The following PHGDH variants were observed in gnomAD, a reference collection of about 807,000 sequenced individuals.
PHGDH encodes phosphoglycerate dehydrogenase.
Under a neutral mutation model 52.6 loss-of-function variants are expected in PHGDH, and 50 were observed. That is an observed-to-expected ratio of 0.95 (90% confidence interval 0.76 to 1.20). The LOEUF is 1.20. Among genes scored for constraint, PHGDH ranks in the 50% most tolerant of loss-of-function variants. The pLI is 0.00. For missense variants in PHGDH, 630 were observed against 684.6 expected, an observed-to-expected ratio of 0.92 and a Z score of 0.89; for synonymous variants, 271 against 280.5, an observed-to-expected ratio of 0.97 and a Z score of 0.34.
chr1:119,734,150 G>C (rs2101194113), intron 5 of PHGDH, among the ~76,000 whole-genome samples: 1 of 152,288 alleles, frequency 6.6e-6, no homozygotes, highest in East Asian at 1.9e-4. Flanking sequence ...TCCAGCTGCA[G>C]CTGCCATTTC....
At chr1:119,741,003 G>T (rs1311382766) in intron 9 of PHGDH, among the ~76,000 whole-genome samples, 2 of 152,122 alleles carry the variant, frequency 1.3e-5, no homozygotes, top group Non-Finnish European at 2.9e-5. Context: ...ACTTACTAAG[G>T]TGGTACCTTG....
At chr1:119,727,890 ACTC>A (rs961991538) in intron 5 of PHGDH, among the ~76,000 whole-genome samples, 2 of 151,734 alleles carry the variant, frequency 1.3e-5, no homozygotes, top group African/African-American at 4.8e-5. Flanking sequence ...TGCTGGAGAA[ACTC>A]CCTTTATAGG....
chr1:119,719,193 G>A (rs1019402459), intron 1 of PHGDH, among the ~76,000 whole-genome samples: 1 of 152,178 alleles, frequency 6.6e-6, no homozygotes, highest in South Asian at 2.1e-4. Context: ...CAGCACTGAG[G>A]TGGCTTCTGT....
Position 119,724,822 on chromosome 1 carries a change from G to T in PHGDH, c.356+1381G>T, listed in dbSNP as rs759505234. 162 of 456,678 alleles carry T rather than the reference G, an allele frequency of 3.5e-4. 1 individual carries two copies. Among genetic ancestry groups the T allele is most frequent in the South Asian group, 7.0e-4 (45 of 64,564 alleles). The allele number at this position is 456,678 out of a possible 1,614,324, so 28.3% of individuals were successfully genotyped here. The stretch of plus-strand genomic sequence containing the variant: ...TTAAAGGAATCGGTGAAATGCTGTG[G>T]TTTAAAAGAAGCTCCCCATTGTCAA... On this transcript the variant is annotated intron_variant, in intron 3 of 11. Transcript: ENST00000641023.
intron 1 of PHGDH, 72 bp from the exon 2 acceptor site, chr1:119,721,097 GC>G (rs1651133423): frequency 7.2e-7 from 1 of 1,387,434 alleles, no homozygotes; most frequent in Non-Finnish European, 1.0e-6. Flanking sequence ...TCAGGAGTAA[GC>G]AATGATGTGC....
chr1:119,740,310 T>C lies in PHGDH; in HGVS notation c.946-76T>C, dbSNP rs1048531241. ...ATACTGTCTTTCTTGTGGAGCTGGG[T>C]CTTGGCAGCCAGATCTTGATTCAGG... On this transcript the variant is annotated intron_variant, in intron 8 of 11. Coordinates refer to ENST00000641023, the MANE Select transcript of PHGDH (RefSeq NM_006623.4). 19 of 1,538,616 alleles carry C rather than the reference T, an allele frequency of 1.2e-5. No individual in the cohort carries two copies. In the African/African-American group the frequency reaches 2.2e-4, roughly 18 times the overall value.
rs587770119 is a variant in PHGDH at position 119,735,704 on chromosome 1, C to T, written c.792+261C>T. Among the ~76,000 whole-genome samples the T allele has an allele frequency of 6.4e-4, 97 of 152,260 alleles. 3 individuals are homozygous for T. The South Asian group carries it at 0.016, about 25-fold the overall frequency. ...ACCCAGTTCCTGGTTCCGGGCTTCT[C>T]AGACTGCTAACATATTGACAAAGAT... On this transcript the variant is annotated intron_variant, in intron 7 of 11. Transcript: ENST00000641023.
chr1:119,713,561 G>A (rs1323760105), intron 1 of PHGDH: 3 of 152,288 alleles, frequency 2.0e-5, no homozygotes, highest in Admixed American at 1.3e-4. Flanking sequence ...TAACCTTTGC[G>A]TGTTCCCCTT....
chr1:119,733,435 G>C (rs1478065398), intron 5 of PHGDH, among the ~76,000 whole-genome samples: 1 of 150,758 alleles, frequency 6.6e-6, no homozygotes, highest in African/African-American at 2.4e-5. Context: ...CAACCTCCTA[G>C]GCCCAAGTGA....
intron 11 of PHGDH, 63 bp downstream of exon 11, chr1:119,743,107 T>G: frequency 9.6e-7 from 1 of 1,036,352 alleles, no homozygotes; most frequent in Non-Finnish European, 1.5e-6. Context: ...TGCCCTGGAA[T>G]TGAACTCTAC....
chr1:119,724,668 T>A (rs957440609), intron 3 of PHGDH: 3 of 384,082 alleles, frequency 7.8e-6, no homozygotes, highest in Non-Finnish European at 1.0e-5. Flanking sequence ...GATTTTTTTT[T>A]TTTTTTTTGA....
chr1:119,742,663 GC>G, intron 10 of PHGDH, 143 bp from the exon 11 acceptor site: 1 of 685,806 alleles, frequency 1.5e-6, no homozygotes, highest in African/African-American at 1.8e-5. Context: ...TGGCCCATTT[GC>G]CCTCTCCCTT....
At chr1:119,728,905 C>G (rs1455871143) in intron 5 of PHGDH, among the ~76,000 whole-genome samples, 1 of 152,152 alleles carries the variant, frequency 6.6e-6, no homozygotes, top group Non-Finnish European at 1.5e-5. Flanking sequence ...TTTTCTACAT[C>G]CCTCCTACCT....
At chr1:119,732,661 T>A (rs149300494) in intron 5 of PHGDH, among the ~76,000 whole-genome samples, 1 of 152,368 alleles carries the variant, frequency 6.6e-6, no homozygotes, top group Non-Finnish European at 1.5e-5. Flanking sequence ...TGCAGTCATC[T>A]GCAGATAAAT....
At chr1:119,733,126 G>C (rs895217683) in intron 5 of PHGDH, among the ~76,000 whole-genome samples, 3 of 152,162 alleles carry the variant, frequency 2.0e-5, no homozygotes, top group African/African-American at 4.8e-5. Context: ...CCAGCGTTCT[G>C]AGCTGGAGGT....
chr1:119,737,383 T>C, intron 8 of PHGDH, 117 bp downstream of exon 8: 15 of 914,104 alleles, frequency 1.6e-5, no homozygotes, highest in Non-Finnish European at 2.2e-5. Context: ...GAGCTGAAGA[T>C]AAGGGAAATC....
chr1:119,721,588 A>C (rs149740293), intron 2 of PHGDH: 1 of 422,214 alleles, frequency 2.4e-6, no homozygotes, highest in East Asian at 4.0e-5. Context: ...ATAATCTCAA[A>C]ATGTTTCACG....
chr1:119,739,273 C>T (rs587743408), intron 8 of PHGDH, among the ~76,000 whole-genome samples: 4 of 152,272 alleles, frequency 2.6e-5, no homozygotes, highest in South Asian at 2.1e-4. Flanking sequence ...GAGGTGCCTG[C>T]GTTATGGGCC....
intron 5 of PHGDH, 109 bp downstream of exon 5, chr1:119,727,211 C>T (rs587689575): frequency 5.4e-6 from 4 of 737,720 alleles, no homozygotes; most frequent in African/African-American, 3.4e-5. Flanking sequence ...GTCTGACCCT[C>T]TCTTGGAGCC....
Sources: allele counts gnomAD v4.1 joint callset (sites outside exome capture counted in the v4.1 genomes callset), GRCh38; gene constraint gnomAD v4.1.1; transcripts MANE v1.5; gene names NCBI Gene and HGNC (gene_info 2026-07-23, HGNC 2026-07-21).